The following ABCC4 variants were observed in gnomAD, a reference collection of about 807,000 sequenced individuals.
ABCC4 encodes the protein ATP binding cassette subfamily C member 4 (PEL blood group).
ABCC4 carries 102 observed loss-of-function variants against 168.5 expected under a neutral mutation model. The ratio of observed to expected loss-of-function variants is 0.61; its 90% confidence interval spans 0.52 to 0.71. The LOEUF (loss-of-function observed/expected upper bound fraction) is 0.71, where lower values mean the gene tolerates loss of function less well. Among genes scored for constraint, ABCC4 ranks in the 30% least tolerant of loss-of-function variants. ABCC4 has a pLI of 0.00. For synonymous variants in ABCC4, 617 were observed against 590.7 expected (o/e 1.04, Z -0.65); for missense variants, 1,402 against 1,605.8 (o/e 0.87, Z 2.17).
intron 1 of ABCC4, among the ~76,000 whole-genome samples, chr13:95,257,072 A>G (rs2040410839): frequency 6.6e-6 from 1 of 152,124 alleles, no homozygotes; most frequent in Non-Finnish European, 1.5e-5. Context: ...TTAATTTTTG[A>G]CTCCCCAAAA....
intron 4 of ABCC4, among the ~76,000 whole-genome samples, chr13:95,214,202 C>T (rs1018559203): frequency 2.0e-5 from 3 of 152,212 alleles, no homozygotes; most frequent in Non-Finnish European, 4.4e-5. Context: ...TTCCCAGAGT[C>T]GCTAACCCTT....
rs146006821 is a variant in ABCC4 at position 95,140,438 on chromosome 13, G to A, written c.2455+20751C>T. 3.5e-3 allele frequency among the ~76,000 whole-genome samples: 540 copies of A among 152,236 alleles called. 2 individuals are homozygous for A. The highest frequency in any genetic ancestry group is 0.014 in the Middle Eastern group (4 of 294). ...TTCAAGCCACCAAAAACTGTACCAGGGTAGTGGCCCTAAGAATCAATATGG... is the reference window on the plus strand; with the variant it reads ...TTCAAGCCACCAAAAACTGTACCAGAGTAGTGGCCCTAAGAATCAATATGG... On this transcript the variant is annotated intron_variant, in intron 19 of 30. Transcript: ENST00000645237.
intron 4 of ABCC4, among the ~76,000 whole-genome samples, chr13:95,222,840 C>CT (rs1212964640): frequency 2.0e-5 from 3 of 152,140 alleles, no homozygotes; most frequent in Non-Finnish European, 4.4e-5. Context: ...ACTGGAGGCA[C>CT]TACTGGTTGT....
At chr13:95,168,601 G>A (rs565017555) in intron 14 of ABCC4, among the ~76,000 whole-genome samples, 6 of 152,228 alleles carry the variant, frequency 3.9e-5, no homozygotes, top group East Asian at 3.9e-4. Context: ...TATTTCCATC[G>A]TTTTATTAAG....
intron 1 of ABCC4, among the ~76,000 whole-genome samples, chr13:95,284,792 T>G (rs952823962): frequency 2.0e-5 from 3 of 152,182 alleles, no homozygotes; most frequent in Non-Finnish European, 4.4e-5. Flanking sequence ...CCTACCTGGT[T>G]TGAACCTAGG....
chr13:95,204,572 C>T (rs548720072), intron 8 of ABCC4, among the ~76,000 whole-genome samples: 30 of 152,276 alleles, frequency 2.0e-4, no homozygotes, highest in African/African-American at 3.1e-4. Context: ...CTTCCCCTTC[C>T]GCCATGACTG....
chr13:95,113,428 T>C (rs2035270197), intron 20 of ABCC4, among the ~76,000 whole-genome samples: 1 of 152,200 alleles, frequency 6.6e-6, no homozygotes, highest in Non-Finnish European at 1.5e-5. Flanking sequence ...GAATTGAATA[T>C]AATGTATTTG....
At chr13:95,203,284 T>A (rs1476670948) in intron 8 of ABCC4, among the ~76,000 whole-genome samples, 2 of 151,612 alleles carry the variant, frequency 1.3e-5, no homozygotes, top group East Asian at 1.9e-4. Flanking sequence ...TTTCTCCACA[T>A]GGCCCAAGGA....
At chr13:95,175,474 CACT>C (rs1208785091) in intron 13 of ABCC4, among the ~76,000 whole-genome samples, 1 of 152,032 alleles carries the variant, frequency 6.6e-6, no homozygotes, top group Non-Finnish European at 1.5e-5. Flanking sequence ...CACCATCCAC[CACT>C]GATTTTTGTA....
chr13:95,256,165 A>G (rs369710292), intron 1 of ABCC4, among the ~76,000 whole-genome samples: 1 of 152,202 alleles, frequency 6.6e-6, no homozygotes, highest in African/African-American at 2.4e-5. Context: ...ATCATAGCTC[A>G]TTGAAACTCC....
intron 1 of ABCC4, among the ~76,000 whole-genome samples, chr13:95,278,233 T>C (rs185851653): frequency 3.9e-5 from 6 of 152,348 alleles, no homozygotes; most frequent in Admixed American, 3.3e-4. Flanking sequence ...AGTTTGTGCT[T>C]ATGCCCCATG....
chr13:95,251,503 G>T (rs2138820280), intron 1 of ABCC4, among the ~76,000 whole-genome samples: 1 of 152,252 alleles, frequency 6.6e-6, no homozygotes, highest in Non-Finnish European at 1.5e-5. Flanking sequence ...AATGGATTAT[G>T]CATTTGCATA....
rs4148437 is a variant in ABCC4 at position 95,247,100 on chromosome 13, A to G, written c.186-5T>C. 0.34 allele frequency: 547,277 copies of G among 1,607,292 alleles called. 98,841 individuals are homozygous for G. The highest frequency in any genetic ancestry group is 0.37 in the Non-Finnish European group (436,985 of 1,177,742). On this transcript the variant is annotated splice_polypyrimidine_tract_variant and splice_region_variant and intron_variant, in intron 2 of 30. Transcript: ENST00000645237. ...AAAACTTCTTTATCCCAGAACCTAC[A>G]ATGAGGAAAAAGCTTCGTAAATAAG...
chr13:95,195,019 G>T, intron 8 of ABCC4, 82 bp from the exon 9 acceptor site: 1 of 1,205,954 alleles, frequency 8.3e-7, no homozygotes, highest in Non-Finnish European at 1.2e-6. Context: ...CATGGAATTT[G>T]TAACATAAAA....
At chr13:95,294,911 G>A (rs763967791) in intron 1 of ABCC4, among the ~76,000 whole-genome samples, 2 of 152,070 alleles carry the variant, frequency 1.3e-5, no homozygotes, top group Admixed American at 6.6e-5. Context: ...CCGAGATCAC[G>A]CCACTGCACT....
chr13:95,270,262 G>A (rs984749540), intron 1 of ABCC4, among the ~76,000 whole-genome samples: 9 of 150,970 alleles, frequency 6.0e-5, no homozygotes, highest in Non-Finnish European at 7.4e-5. Context: ...CTGTGGGAAG[G>A]GGAAGAGAAA....
In ABCC4 at chr13:95,206,701, A is replaced by C. The variant is rs776050147; in HGVS notation, c.992T>G (p.Ile331Ser). 1.9e-6 allele frequency: 3 copies of C among 1,614,116 alleles called. No homozygotes were observed. Among genetic ancestry groups the C allele is most frequent in the South Asian group, 2.2e-5 (2 of 91,080 alleles). The change falls in exon 8 of 31, where the codon ATC (isoleucine) becomes AGC (serine). Residue 331 changes from isoleucine (I) to serine (S), a missense_variant. Ile to Ser is a moderately radical substitution (Grantham distance 142, BLOSUM62 -2). Around this residue, in one of 3 missense-constraint regions of ABCC4, gnomAD observed 78 missense variants for 133.0 expected, o/e 0.59. Coordinates refer to ENST00000645237, the MANE Select transcript of ABCC4 (RefSeq NM_005845.5). ...GTAGGTGGTGAAGGTCACAAACACG[A>C]TGATTTTGCTTGCACTGAAAAATGA... Reference protein sequence around the residue: ...LASFFSASKIIVFVTFTTYVL... With the variant: ...LASFFSASKISVFVTFTTYVL...
At chr13:95,242,309 C>A (rs1363008459) in intron 3 of ABCC4, among the ~76,000 whole-genome samples, 2 of 151,640 alleles carry the variant, frequency 1.3e-5, no homozygotes, top group Non-Finnish European at 2.9e-5. Flanking sequence ...CTCACTGCAA[C>A]CTCCACCTCC....
intron 19 of ABCC4, among the ~76,000 whole-genome samples, chr13:95,154,088 T>C (rs116815199): frequency 5.0e-4 from 76 of 152,326 alleles, no homozygotes; most frequent in African/African-American, 1.8e-3. Flanking sequence ...AAACAATATT[T>C]ATGTGGCTAT....
Sources: allele counts gnomAD v4.1 joint callset (sites outside exome capture counted in the v4.1 genomes callset), GRCh38; gene constraint gnomAD v4.1.1; regional missense constraint gnomAD v4.1.1; transcripts MANE v1.5; gene names NCBI Gene and HGNC (gene_info 2026-07-23, HGNC 2026-07-21).